Variants in CSN1S1 observed in about 807,000 individuals in gnomAD.
The protein encoded by CSN1S1 is casein alpha s1.
A neutral mutation model predicts 49.1 loss-of-function variants in CSN1S1; 63 were observed. The ratio of observed to expected loss-of-function variants is 1.28; its 90% CI spans 1.05 to 1.58. The LOEUF is 1.58. CSN1S1 is among the 40% of genes most tolerant of loss of function. The pLI is 0.00. For missense variants in CSN1S1, 260 were observed against 224.7 expected (o/e 1.16, Z -1.01); for synonymous variants, 78 against 67.1 (o/e 1.16, Z -0.79).
chr4:69,932,631 A>T (rs773289435), intron 2 of CSN1S1, 25 bp downstream of exon 2: 1 of 1,571,582 alleles, frequency 6.4e-7, no homozygotes, highest in Admixed American at 1.8e-5. Context: ...GAATTTAGAA[A>T]GTCTTAGACT....
At chr4:69,945,421 G>A (rs1723130705) in intron 15 of CSN1S1, among the ~76,000 whole-genome samples, 1 of 151,886 alleles carries the variant, frequency 6.6e-6, no homozygotes, top group Non-Finnish European at 1.5e-5. Context: ...GTGTTCAGTA[G>A]TCCTAAATTC....
At chr4:69,942,198 T>C in intron 13 of CSN1S1, 135 bp downstream of exon 13, 1 of 594,938 alleles carries the variant, frequency 1.7e-6, no homozygotes, top group Non-Finnish European at 2.8e-6. Flanking sequence ...ATATTTTACT[T>C]AAAAGTCACA....
intron 1 of CSN1S1, among the ~76,000 whole-genome samples, 179 bp downstream of exon 1, chr4:69,931,296 G>A (rs918226377): frequency 2.0e-5 from 3 of 151,672 alleles, no homozygotes; most frequent in Admixed American, 2.0e-4. Context: ...ACAGCTTTAG[G>A]TGATGAATCA....
At chr4:69,934,833 C>A in intron 4 of CSN1S1, 123 bp downstream of exon 4, 1 of 805,460 alleles carries the variant, frequency 1.2e-6, no homozygotes, top group Non-Finnish European at 2.0e-6. Context: ...CATCCAACAA[C>A]TCAAGTACCT....
At chr4:69,944,081 T>C (rs1372983609) in intron 14 of CSN1S1, among the ~76,000 whole-genome samples, 1 of 152,022 alleles carries the variant, frequency 6.6e-6, no homozygotes, top group Non-Finnish European at 1.5e-5. Context: ...CCTTATTTTA[T>C]CTTAAAAAAT....
At chr4:69,937,082 A>C (rs767435275) in intron 7 of CSN1S1, 39 bp from the exon 8 acceptor site, 13 of 1,507,740 alleles carry the variant, frequency 8.6e-6, no homozygotes, top group Non-Finnish European at 1.2e-5. Context: ...ATATCTTCTT[A>C]ACAATCTGTC....
chr4:69,945,752 G>A (rs1351129714), intron 15 of CSN1S1, among the ~76,000 whole-genome samples: 1 of 151,852 alleles, frequency 6.6e-6, no homozygotes, highest in East Asian at 1.9e-4. Context: ...TCCTTAACAA[G>A]TCACATAGAT....
intron 9 of CSN1S1, among the ~76,000 whole-genome samples, chr4:69,938,203 C>G (rs970227915): frequency 5.9e-5 from 9 of 151,666 alleles, no homozygotes; most frequent in Non-Finnish European, 1.3e-4. Context: ...CATGAGATTA[C>G]TTTTTTATTT....
intron 15 of CSN1S1, among the ~76,000 whole-genome samples, chr4:69,945,990 A>G (rs1723152908): frequency 6.6e-6 from 1 of 151,986 alleles, no homozygotes; most frequent in African/African-American, 2.4e-5. Context: ...ACCACAAAAC[A>G]AAATACAATT....
intron 10 of CSN1S1, 65 bp from the exon 11 acceptor site, chr4:69,939,956 T>G (rs1722920572): frequency 1.0e-6 from 1 of 976,486 alleles, no homozygotes; most frequent in Non-Finnish European, 1.5e-6. Flanking sequence ...TTGATTCATA[T>G]TTTAACTTTA....
rs1051279973 is a variant in CSN1S1, at chr4:69,940,893, T to A, written c.301-126T>A. The A allele has an allele frequency of 1.1e-5, 6 of 534,910 alleles. No individual in the cohort carries two copies. In the African/African-American group the frequency reaches 1.2e-4, roughly 11 times the overall value. 33.1% of individuals were successfully genotyped at this position (534,910 alleles called of 1,614,324 possible). ...ATTTGGGGTAGAAATGGCACTCAGG[T>A]GTAATAGTTCCTCATTCTCTACCCT... is the stretch of plus-strand genomic sequence containing the variant. On this transcript the variant is annotated intron_variant, in intron 11 of 15. Transcript: ENST00000246891.
intron 10 of CSN1S1, among the ~76,000 whole-genome samples, chr4:69,939,529 C>T (rs1357999061): frequency 2.0e-5 from 3 of 151,704 alleles, no homozygotes; most frequent in Admixed American, 2.0e-4. Context: ...CTAACAATTA[C>T]CATGCTTATA....
intron 14 of CSN1S1, among the ~76,000 whole-genome samples, chr4:69,943,643 A>G (rs899773467): frequency 1.3e-5 from 2 of 152,010 alleles, no homozygotes; most frequent in African/African-American, 4.8e-5. Context: ...AATACCACAG[A>G]CTAAGTAATT....
chr4:69,946,065 A>G (rs1464467301), intron 15 of CSN1S1, 131 bp from the exon 16 acceptor site: 1 of 333,186 alleles, frequency 3.0e-6, no homozygotes. Context: ...CAGTAACAGG[A>G]AAGCATAAAT....
intron 9 of CSN1S1, 83 bp from the exon 10 acceptor site, chr4:69,939,093 T>C (rs1376322953): frequency 2.2e-5 from 21 of 973,552 alleles, no homozygotes; most frequent in Non-Finnish European, 3.2e-5. Flanking sequence ...ATGGTAAGCA[T>C]TTCACCATGA....
chr4:69,931,373 T>A (rs895733946), intron 1 of CSN1S1, among the ~76,000 whole-genome samples: 17 of 152,020 alleles, frequency 1.1e-4, no homozygotes. Context: ...TTTTTAAAGT[T>A]GATACATAAT....
chr4:69,945,467 A>G (rs1175684742), intron 15 of CSN1S1, among the ~76,000 whole-genome samples: 1 of 151,994 alleles, frequency 6.6e-6, no homozygotes, highest in South Asian at 2.1e-4. Context: ...AAATTTTATA[A>G]TAATCCTTAT....
rs1722719830 is a variant in CSN1S1, at chr4:69,934,797, T to G, written c.105+87T>G. 2.5e-6 allele frequency: 3 copies of G among 1,184,902 alleles called. No individual in the cohort carries two copies. In the South Asian group the frequency reaches 3.9e-5, roughly 16 times the overall value. 73.4% of individuals were successfully genotyped at this position (1,184,902 alleles called of 1,614,324 possible). A position where few individuals can be genotyped will look rare whatever the true frequency, so the allele number is the denominator to read the frequency against. ...TCATGCATGTTGAATGTCTTCTTCT[T>G]TACAATTTTTATTTCCCTTCAAATG... On this transcript the variant is annotated intron_variant, in intron 4 of 15. Coordinates refer to ENST00000246891, the MANE Select transcript of CSN1S1 (RefSeq NM_001890.2).
At chr4:69,938,943 A>C (rs1016471890) in intron 9 of CSN1S1, among the ~76,000 whole-genome samples, 16 of 151,850 alleles carry the variant, frequency 1.1e-4, no homozygotes, top group Middle Eastern at 6.8e-3. Flanking sequence ...AATTAAAAAC[A>C]ATTGTTTTTA....
Sources: allele counts gnomAD v4.1 joint callset (sites outside exome capture counted in the v4.1 genomes callset), GRCh38; gene constraint gnomAD v4.1.1; transcripts MANE v1.5; gene names NCBI Gene and HGNC (gene_info 2026-07-23, HGNC 2026-07-21).